Variants in DNAAF11 observed in about 807,000 individuals in gnomAD.
The protein encoded by DNAAF11 is dynein axonemal assembly factor 11, also known as leucine rich repeat containing 6.
A neutral mutation model predicts 60.8 loss-of-function variants in DNAAF11; 45 were observed. The observed-to-expected ratio is 0.74, with a 90% CI of 0.58 to 0.95. The LOEUF is 0.95. Among genes scored for constraint, DNAAF11 ranks in the 40% least tolerant of loss-of-function variants. The pLI is 0.00. For missense variants in DNAAF11, 546 were observed against 546.2 expected (o/e 1.00, Z 0.00); for synonymous variants, 191 against 183.5 (o/e 1.04, Z -0.33).
At chr8:132,649,367 T>G (rs562792460) in intron 3 of DNAAF11, among the ~76,000 whole-genome samples, 1 of 152,010 alleles carries the variant, frequency 6.6e-6, no homozygotes, top group Non-Finnish European at 1.5e-5. Flanking sequence ...AAAATTAATT[T>G]GAGATGGATT....
chr8:132,598,186 A>G (rs190855120), intron 10 of DNAAF11, among the ~76,000 whole-genome samples: 2 of 152,338 alleles, frequency 1.3e-5, no homozygotes, highest in East Asian at 1.9e-4. Flanking sequence ...CTCAATAAAT[A>G]GTAGCTATGT....
upstream of DNAAF11, chr8:132,675,629 G>T: frequency 2.2e-6 from 2 of 904,566 alleles, no homozygotes; most frequent in African/African-American, 1.7e-5. Flanking sequence ...CGGCGGCCGC[G>T]CGGGACCAAA....
chr8:132,698,796 T>A, the DNAAF11 span, among the ~76,000 whole-genome samples: 5 of 151,972 alleles, frequency 3.3e-5, no homozygotes, highest in Admixed American at 2.6e-4. Flanking sequence ...GAATGATAAT[T>A]TCTGACTGGG....
chr8:132,674,760 A>T (rs965766571), intron 1 of DNAAF11, among the ~76,000 whole-genome samples: 2 of 152,194 alleles, frequency 1.3e-5, no homozygotes, highest in Non-Finnish European at 2.9e-5. Flanking sequence ...GTGGTGGTGC[A>T]CGCTGTAATC....
the DNAAF11 span, among the ~76,000 whole-genome samples, chr8:132,693,243 T>C: frequency 6.6e-6 from 1 of 152,258 alleles, no homozygotes; most frequent in African/African-American, 2.4e-5. Flanking sequence ...AGTGAGCATA[T>C]GCACACAGGA....
chr8:132,593,069 G>A, intron 10 of DNAAF11, among the ~76,000 whole-genome samples: 1 of 151,682 alleles, frequency 6.6e-6, no homozygotes, highest in Non-Finnish European at 1.5e-5. Flanking sequence ...GAACATTTAA[G>A]GAATGAGCAA....
upstream of DNAAF11, among the ~76,000 whole-genome samples, chr8:132,679,325 G>T (rs1043560581): frequency 6.6e-6 from 1 of 152,156 alleles, no homozygotes; most frequent in Non-Finnish European, 1.5e-5. Context: ...ATGATTGAAT[G>T]GAGGAGTCAG....
At chr8:132,578,461 G>T (rs1214975677) in intron 11 of DNAAF11, 1 of 1,531,022 alleles carries the variant, frequency 6.5e-7, no homozygotes, top group Admixed American at 2.0e-5. Flanking sequence ...GCCCATCACT[G>T]GTCTTACCCA....
chr8:132,595,736 T>C (rs961170001), intron 10 of DNAAF11, among the ~76,000 whole-genome samples: 2 of 152,014 alleles, frequency 1.3e-5, no homozygotes, highest in Admixed American at 1.3e-4. Context: ...AATTTCATAA[T>C]AGGAAAGAAA....
intron 10 of DNAAF11, among the ~76,000 whole-genome samples, chr8:132,587,095 A>G (rs1366542337): frequency 2.0e-5 from 3 of 152,310 alleles, no homozygotes; most frequent in Middle Eastern, 3.4e-3. Context: ...ATGGGAGCAT[A>G]TGCATAATTA....
At position 132,625,404 on chromosome 8, in the gene DNAAF11, T is replaced by G. The variant is rs1014243598; in HGVS notation, c.704A>C (p.His235Pro). Residue 235 changes from histidine (H) to proline (P), a missense_variant, in exon 6 of 12, where the codon CAC (histidine) becomes CCC (proline). By Grantham distance (77) the His-to-Pro change is moderately conservative (BLOSUM62 -2). Transcript: ENST00000620350. ...DHLQAPDTEEHNTKKLDNSED... is the reference protein window; with the variant it reads ...DHLQAPDTEEPNTKKLDNSED... Reference sequence around the variant, plus strand: ...ACTGTTGTCTAATTTCTTTGTGTTGTGTTCCTCTGTGTCTGGTGCCTGTAG... The same window carrying G: ...ACTGTTGTCTAATTTCTTTGTGTTGGGTTCCTCTGTGTCTGGTGCCTGTAG... 6.2e-6 allele frequency: 10 copies of G among 1,613,574 alleles called. No individual in the cohort carries two copies. The South Asian group carries it at 1.1e-4, about 18-fold the overall frequency.
At chr8:132,633,623 T>C (rs1821019144) in intron 4 of DNAAF11, among the ~76,000 whole-genome samples, 1 of 152,188 alleles carries the variant, frequency 6.6e-6, no homozygotes, top group South Asian at 2.1e-4. Context: ...AATGTCCATG[T>C]TCTAATCTCC....
chr8:132,650,280 A>G (rs917880455), intron 3 of DNAAF11, among the ~76,000 whole-genome samples: 1 of 151,334 alleles, frequency 6.6e-6, no homozygotes, highest in Non-Finnish European at 1.5e-5. Flanking sequence ...AGAAAACCAA[A>G]CACCGCATGT....
intron 8 of DNAAF11, among the ~76,000 whole-genome samples, chr8:132,613,132 G>A (rs1818828504): frequency 6.6e-6 from 1 of 152,176 alleles, no homozygotes; most frequent in South Asian, 2.1e-4. Context: ...TCTTTGTAAA[G>A]GCAGATAACC....
intron 2 of DNAAF11, among the ~76,000 whole-genome samples, chr8:132,658,822 G>A (rs1453774628): frequency 3.3e-5 from 5 of 152,160 alleles, no homozygotes; most frequent in East Asian, 3.9e-4. Context: ...GCTCAGGGAC[G>A]GTTTCCTAAG....
At chr8:132,672,138 C>G (rs1433288330) in intron 1 of DNAAF11, among the ~76,000 whole-genome samples, 1 of 152,010 alleles carries the variant, frequency 6.6e-6, no homozygotes, top group Non-Finnish European at 1.5e-5. Context: ...ACTCTTAAAA[C>G]TCAAGGATAA....
At chr8:132,593,390 C>T (rs1816684236) in intron 10 of DNAAF11, among the ~76,000 whole-genome samples, 1 of 131,032 alleles carries the variant, frequency 7.6e-6, no homozygotes. Context: ...TGACTTTTAC[C>T]TTGAAAATGA....
intron 4 of DNAAF11, among the ~76,000 whole-genome samples, chr8:132,636,825 C>T (rs983822576): frequency 1.3e-5 from 2 of 152,204 alleles, no homozygotes; most frequent in Admixed American, 1.3e-4. Context: ...CACTCATTCT[C>T]TTAATCTGAG....
At chr8:132,680,920 G>A in the DNAAF11 span, among the ~76,000 whole-genome samples, 1 of 149,622 alleles carries the variant, frequency 6.7e-6, no homozygotes, top group African/African-American at 2.5e-5. Context: ...TGAGCTATTA[G>A]GTTGGTGCAA....
Sources: allele counts gnomAD v4.1 joint callset (sites outside exome capture counted in the v4.1 genomes callset), GRCh38; gene constraint gnomAD v4.1.1; transcripts MANE v1.5; gene names NCBI Gene and HGNC (gene_info 2026-07-23, HGNC 2026-07-21).